The following SKAP2 variants were observed in gnomAD, a reference collection of about 807,000 sequenced individuals.
SKAP2 encodes the protein src kinase associated phosphoprotein 2.
In SKAP2, 28 loss-of-function variants were observed where a neutral mutation model predicts 54.9. The ratio of observed to expected loss-of-function variants is 0.51; its 90% confidence interval spans 0.38 to 0.70. SKAP2 has a LOEUF of 0.70. SKAP2 is among the 30% of genes least tolerant of loss of function. The pLI is 0.00. For missense variants in SKAP2, 356 were observed against 424.1 expected, an observed-to-expected ratio of 0.84 and a Z score of 1.41; for synonymous variants, 137 against 134.3, an observed-to-expected ratio of 1.02 and a Z score of -0.14.
At chr7:26,723,439 A>G (rs1787623894) in intron 9 of SKAP2, among the ~76,000 whole-genome samples, 1 of 152,250 alleles carries the variant, frequency 6.6e-6, no homozygotes, top group South Asian at 2.1e-4. Flanking sequence ...GGGGATCCCA[A>G]GCAGGGGAAA....
At chr7:26,845,846 C>A (rs917119463) in intron 3 of SKAP2, among the ~76,000 whole-genome samples, 1 of 152,028 alleles carries the variant, frequency 6.6e-6, no homozygotes, top group Admixed American at 6.6e-5. Flanking sequence ...GTAAGAGGAC[C>A]GCTTGAGCCC....
At chr7:26,767,471 C>T (rs1267711932) in intron 4 of SKAP2, among the ~76,000 whole-genome samples, 3 of 152,116 alleles carry the variant, frequency 2.0e-5, no homozygotes, top group Non-Finnish European at 2.9e-5. Context: ...TCCTTCCGTT[C>T]TGCTCTGGTC....
In SKAP2 at chr7:26,701,982, G is replaced by C. The variant is rs528074504; in HGVS notation, c.797-11620C>G. On this transcript the variant is annotated intron_variant, in intron 9 of 12. Coordinates refer to ENST00000345317, the MANE Select transcript of SKAP2 (RefSeq NM_003930.5). ...CTACAGTCTTAGCAAATGTGTGTGG[G>C]TAATGGGCAGCCTTTTCTTCGGTGG... Among the ~76,000 whole-genome samples, 19 of 152,066 alleles carry C rather than the reference G, an allele frequency of 1.2e-4. 1 individual carries two copies. The South Asian group carries it at 3.7e-3, about 30-fold the overall frequency.
intron 4 of SKAP2, among the ~76,000 whole-genome samples, chr7:26,829,721 T>C (rs1784563171): frequency 6.6e-6 from 1 of 152,076 alleles, no homozygotes; most frequent in African/African-American, 2.4e-5. Flanking sequence ...CACTTCACAT[T>C]CACTAGGATG....
intron 4 of SKAP2, among the ~76,000 whole-genome samples, chr7:26,788,700 G>A (rs1372083161): frequency 6.6e-6 from 1 of 152,118 alleles, no homozygotes; most frequent in African/African-American, 2.4e-5. Flanking sequence ...AATCAAGTGT[G>A]TAAGTTGAAA....
intron 4 of SKAP2, among the ~76,000 whole-genome samples, chr7:26,757,299 G>A (rs1782816796): frequency 6.6e-6 from 1 of 152,112 alleles, no homozygotes; most frequent in Admixed American, 6.5e-5. Flanking sequence ...GGTTTTTATG[G>A]TTTTAGGTCT....
chr7:26,801,038 CAAGA>C (rs1240649210), intron 4 of SKAP2, among the ~76,000 whole-genome samples: 3 of 150,934 alleles, frequency 2.0e-5, no homozygotes, highest in Admixed American at 6.6e-5. Flanking sequence ...AAGACGCATC[CAAGA>C]AAGAAAGAAA....
rs562163824 is a variant in SKAP2 at position 26,795,400 on chromosome 7, T to C, written c.307+48630A>G. On this transcript the variant is annotated intron_variant, in intron 4 of 12. Coordinates refer to ENST00000345317, the MANE Select transcript of SKAP2 (RefSeq NM_003930.5). ...TAAGATCAAATTATCTAAATACTAC[T>C]TATTTTAATCTTATCGTAGATCATA... is the stretch of plus-strand genomic sequence containing the variant. Among the ~76,000 whole-genome samples the C allele has an allele frequency of 2.0e-5, 3 of 152,356 alleles. No homozygotes were observed. The East Asian group carries it at 5.8e-4, about 29-fold the overall frequency.
chr7:26,656,147 T>C, the SKAP2 span, among the ~76,000 whole-genome samples: 97 of 152,348 alleles, frequency 6.4e-4, no homozygotes, highest in Non-Finnish European at 1.1e-3. Context: ...CGCAATTTAC[T>C]GCTGATTTAC....
At chr7:26,779,194 T>C (rs910823484) in intron 4 of SKAP2, among the ~76,000 whole-genome samples, 5 of 152,052 alleles carry the variant, frequency 3.3e-5, no homozygotes, top group African/African-American at 1.2e-4. Context: ...TAAAAACTTA[T>C]TAAGGATTAC....
intron 9 of SKAP2, among the ~76,000 whole-genome samples, chr7:26,692,506 C>CA: frequency 6.6e-6 from 1 of 152,256 alleles, no homozygotes; most frequent in East Asian, 1.9e-4. Flanking sequence ...ACTTACACGA[C>CA]AAATAGAACT....
At chr7:26,847,478 AC>A (rs1784949563) in intron 3 of SKAP2, among the ~76,000 whole-genome samples, 2 of 151,996 alleles carry the variant, frequency 1.3e-5, no homozygotes, top group Non-Finnish European at 2.9e-5. Flanking sequence ...TTGTAGTTAT[AC>A]CTGCAAAGAC....
At chr7:26,796,463 T>G (rs986946101) in intron 4 of SKAP2, among the ~76,000 whole-genome samples, 1 of 152,212 alleles carries the variant, frequency 6.6e-6, no homozygotes, top group Non-Finnish European at 1.5e-5. Context: ...ACTGAAAACC[T>G]TGAATAACAC....
intron 4 of SKAP2, among the ~76,000 whole-genome samples, chr7:26,800,979 T>C (rs1393589856): frequency 1.3e-5 from 2 of 151,920 alleles, no homozygotes; most frequent in Non-Finnish European, 2.9e-5. Flanking sequence ...AACAGAATAC[T>C]TCCAAATTCA....
chr7:26,713,572 A>G (rs1787355478), intron 9 of SKAP2, among the ~76,000 whole-genome samples: 1 of 152,060 alleles, frequency 6.6e-6, no homozygotes, highest in Non-Finnish European at 1.5e-5. Context: ...AATGTAATAC[A>G]GTGCTAAGAT....
intron 4 of SKAP2, among the ~76,000 whole-genome samples, chr7:26,793,258 C>G (rs1184279214): frequency 6.6e-6 from 1 of 152,198 alleles, no homozygotes. Flanking sequence ...AGAAATTATA[C>G]TGCTAATTCT....
chr7:26,804,671 G>A (rs535420246), intron 4 of SKAP2, among the ~76,000 whole-genome samples: 68 of 151,214 alleles, frequency 4.5e-4, no homozygotes, highest in South Asian at 1.5e-3. Flanking sequence ...CCCGGGAGGC[G>A]GAGGTTGCAG....
At position 26,777,897 on chromosome 7, in the gene SKAP2, A is replaced by AT. The variant is rs201742837; in HGVS notation, c.308-37934dup. ...AATCCTGGTAACATACTACATACTC[A>AT]TTTTTTTTTAACAACTCAACACCTA... On this transcript the variant is annotated intron_variant, in intron 4 of 12. Transcript: ENST00000345317. Among the ~76,000 whole-genome samples, 760 of 151,408 alleles carry AT rather than the reference A, an allele frequency of 5.0e-3. 3 individuals are homozygous for AT. Among genetic ancestry groups the AT allele is most frequent in the African/African-American group, 0.017 (706 of 41,330 alleles).
At chr7:26,755,570 T>C (rs1268457436) in intron 4 of SKAP2, among the ~76,000 whole-genome samples, 1 of 152,148 alleles carries the variant, frequency 6.6e-6, no homozygotes, top group Non-Finnish European at 1.5e-5. Context: ...TGAGTGTTTA[T>C]TGATTTGTAG....
Sources: gnomAD v4.1 joint callset for allele counts (sites outside exome capture counted in the v4.1 genomes callset) on GRCh38, gnomAD v4.1.1 for gene constraint, MANE v1.5 for transcripts, NCBI Gene and HGNC (gene_info 2026-07-23, HGNC 2026-07-21) for gene names.